Variants in ASIC2 observed in about 807,000 individuals in gnomAD.
ASIC2 encodes the protein acid sensing ion channel subunit 2, also known as acid-sensing ion channel 2.
ASIC2 carries 25 observed loss-of-function variants against 57.3 expected under a neutral mutation model. The observed-to-expected ratio is 0.44, with a 90% confidence interval of 0.32 to 0.61. ASIC2 has a LOEUF of 0.61. Among genes scored for constraint, ASIC2 ranks in the 20% least tolerant of loss-of-function variants. ASIC2 has a pLI of 0.06. For missense variants in ASIC2, 641 were observed against 738.1 expected (o/e 0.87, Z 1.52); for synonymous variants, 319 against 307.5 (o/e 1.04, Z -0.39).
intron 1 of ASIC2, among the ~76,000 whole-genome samples, chr17:33,831,106 CAAAAAAAAAAAAAAAAAAAAAA>C (rs56841196): frequency 2.6e-4 from 6 of 22,964 alleles, no homozygotes; most frequent in South Asian, 0.011. Context: ...AAGGCTCTGT[CAAAAAAAAAAAAAAAAAAAAAA>C]AAAAAAAAAA....
At chr17:33,868,549 G>A (rs1914306059) in intron 1 of ASIC2, among the ~76,000 whole-genome samples, 1 of 152,094 alleles carries the variant, frequency 6.6e-6, no homozygotes, top group Non-Finnish European at 1.5e-5. Flanking sequence ...GTTAGAGAAT[G>A]TTTTCTTAGA....
chr17:33,300,012 C>G (rs1023641916), intron 1 of ASIC2, among the ~76,000 whole-genome samples: 8 of 152,194 alleles, frequency 5.3e-5, no homozygotes, highest in African/African-American at 1.4e-4. Flanking sequence ...TCTGCTCACC[C>G]TATGAGAGGA....
chr17:34,111,117 T>G (rs1911257868), intron 1 of ASIC2, among the ~76,000 whole-genome samples: 1 of 151,828 alleles, frequency 6.6e-6, no homozygotes. Flanking sequence ...TCCCAGCTAC[T>G]CAGGAGGCTG....
intron 1 of ASIC2, among the ~76,000 whole-genome samples, chr17:33,513,974 G>A (rs886538069): frequency 2.4e-4 from 36 of 152,170 alleles, no homozygotes; most frequent in Admixed American, 2.1e-3. Flanking sequence ...TCACATAATC[G>A]GATCAATGAA....
intron 1 of ASIC2, among the ~76,000 whole-genome samples, chr17:34,114,808 G>C (rs1288995527): frequency 1.3e-5 from 2 of 152,182 alleles, no homozygotes; most frequent in Non-Finnish European, 2.9e-5. Context: ...GCCACCAAAA[G>C]CTGTGGGTAA....
chr17:33,234,130 C>A (rs1159580532), intron 1 of ASIC2, among the ~76,000 whole-genome samples: 1 of 152,212 alleles, frequency 6.6e-6, no homozygotes, highest in Admixed American at 6.5e-5. Flanking sequence ...TTACAACCAC[C>A]AGAATGCCTG....
In ASIC2 at chr17:33,292,748, C is replaced by G; in HGVS notation, c.-633G>C. 1.0e-6 allele frequency: 1 copy of G among 985,846 alleles called. No individual in the cohort carries two copies. Among genetic ancestry groups the G allele is most frequent in the Non-Finnish European group, 1.2e-6 (1 of 830,334 alleles). The allele number at this position is 985,846 out of a possible 1,614,324, so 61.1% of individuals were successfully genotyped here. ...GTACGGGGGTGAGTGGTCGCCTTGC[C>G]GGCTGCCGCCTTCTTTCCCTTCCCC... On this transcript the variant is annotated 5_prime_UTR_variant, in exon 1 of 10. Transcript: ENST00000225823.
At chr17:33,770,354 A>C (rs1911058875) in intron 1 of ASIC2, among the ~76,000 whole-genome samples, 1 of 152,232 alleles carries the variant, frequency 6.6e-6, no homozygotes, top group Non-Finnish European at 1.5e-5. Flanking sequence ...GGCCTCATAC[A>C]GTTGGTGTAA....
intron 2 of ASIC2, among the ~76,000 whole-genome samples, chr17:33,109,862 C>T (rs139955062): frequency 1.3e-5 from 2 of 152,292 alleles, no homozygotes; most frequent in East Asian, 3.9e-4. Context: ...GAAGGTTGGC[C>T]TGGAAGAGAT....
chr17:33,979,570 A>G (rs762997657), intron 1 of ASIC2, among the ~76,000 whole-genome samples: 2 of 152,190 alleles, frequency 1.3e-5, no homozygotes, highest in Non-Finnish European at 2.9e-5. Flanking sequence ...AAGATGGGTT[A>G]TATTTGGGGT....
chr17:33,207,321 T>C (rs192998309), intron 1 of ASIC2, among the ~76,000 whole-genome samples: 4 of 152,364 alleles, frequency 2.6e-5, no homozygotes, highest in Non-Finnish European at 5.9e-5. Context: ...ATTTGACAGA[T>C]AGAAGAAGCT....
chr17:33,516,969 G>T (rs912987604), intron 1 of ASIC2, among the ~76,000 whole-genome samples: 2 of 152,178 alleles, frequency 1.3e-5, no homozygotes, highest in South Asian at 2.1e-4. Flanking sequence ...TATCGGTGCC[G>T]CATGGGTCTG....
rs76160129 is a variant in ASIC2 at position 33,157,173 on chromosome 17, G to A, written c.709-45106C>T. 5.3e-4 allele frequency among the ~76,000 whole-genome samples: 80 copies of A among 152,250 alleles called. 4 individuals are homozygous for A. In the East Asian group the frequency reaches 0.015, roughly 29 times the overall value. On this transcript the variant is annotated intron_variant, in intron 1 of 9. Coordinates refer to ENST00000225823, the MANE Select transcript of ASIC2 (RefSeq NM_183377.2). ...TCCCTCTCCCTGGTCAGTGAAATGA[G>A]AGTTCATTACCTTGCTTGTCCAACT...
At chr17:33,180,162 T>G (rs1905920945) in intron 1 of ASIC2, among the ~76,000 whole-genome samples, 1 of 152,202 alleles carries the variant, frequency 6.6e-6, no homozygotes, top group South Asian at 2.1e-4. Context: ...CACTCTTAAC[T>G]CATTGAAAAC....
At chr17:33,460,732 G>C (rs1912607122) in intron 1 of ASIC2, among the ~76,000 whole-genome samples, 1 of 152,208 alleles carries the variant, frequency 6.6e-6, no homozygotes, top group Non-Finnish European at 1.5e-5. Flanking sequence ...AGATGACCCA[G>C]TGAGGTGCAT....
At chr17:34,081,323 A>G (rs1436371464) in intron 1 of ASIC2, among the ~76,000 whole-genome samples, 2 of 152,184 alleles carry the variant, frequency 1.3e-5, no homozygotes, top group Non-Finnish European at 2.9e-5. Flanking sequence ...TCAGATATCT[A>G]CTTTGCTAGG....
At chr17:33,689,014 A>G (rs1908282496) in intron 1 of ASIC2, 1 of 152,170 alleles carries the variant, frequency 6.6e-6, no homozygotes, top group African/African-American at 2.4e-5. Flanking sequence ...TGCTGCTTTC[A>G]CTCACCATCA....
intron 1 of ASIC2, among the ~76,000 whole-genome samples, chr17:34,097,139 T>C (rs1249447093): frequency 3.3e-5 from 5 of 152,170 alleles, no homozygotes; most frequent in Non-Finnish European, 5.9e-5. Flanking sequence ...CCTTTGTTAT[T>C]ACCCAATCCA....
At chr17:33,371,787 C>T (rs1035086222) in intron 1 of ASIC2, among the ~76,000 whole-genome samples, 2 of 152,088 alleles carry the variant, frequency 1.3e-5, no homozygotes, top group African/African-American at 4.8e-5. Context: ...ATGAGGTCTA[C>T]TGGGACTCTA....
Sources: allele counts gnomAD v4.1 joint callset (sites outside exome capture counted in the v4.1 genomes callset), GRCh38; gene constraint gnomAD v4.1.1; transcripts MANE v1.5; gene names NCBI Gene and HGNC (gene_info 2026-07-23, HGNC 2026-07-21).